CADM4: variants seen among roughly 807,000 people sequenced by gnomAD.
The protein encoded by CADM4 is cell adhesion molecule 4.
A neutral mutation model predicts 43.9 loss-of-function variants in CADM4; 13 were observed. That is an observed-to-expected ratio of 0.30 (90% confidence interval 0.19 to 0.47). CADM4 has a LOEUF of 0.47. Among genes scored for constraint, CADM4 ranks in the 20% least tolerant of loss-of-function variants. The pLI is 1.00. For missense variants in CADM4, 420 were observed against 527.0 expected (o/e 0.80, Z 1.99); for synonymous variants, 209 against 220.9 (o/e 0.95, Z 0.48).
rs776149829 is a variant in CADM4, at chr19:43,624,107, C to T, written c.1057+7G>A. On this transcript the variant is annotated splice_region_variant and intron_variant, in intron 8 of 8. Coordinates refer to ENST00000222374, the MANE Select transcript of CADM4 (RefSeq NM_145296.2). The stretch of plus-strand genomic sequence containing the variant: ...CAACCGTAGAGTCCAGGCCCCGTCC[C>T]ACTCACCCTTCTGCCGTACCGAGCA... 6.2e-7 allele frequency: 1 copy of T among 1,614,182 alleles called. No homozygotes were observed. The highest frequency in any genetic ancestry group is 8.5e-7 in the Non-Finnish European group (1 of 1,180,012).
At position 43,626,872 on chromosome 19, in the gene CADM4, C is replaced by T. The variant is rs759681233; in HGVS notation, c.411G>A (p.Glu137=). The T allele has an allele frequency of 6.2e-7, 1 of 1,609,456 alleles. No individual in the cohort carries two copies. The highest frequency in any genetic ancestry group is 1.1e-5 in the South Asian group (1 of 90,956). Residue 137 remains glutamate (E), a synonymous_variant, in exon 4 of 9, where the codon GAG becomes GAA. Transcript: ENST00000222374. The surrounding 1 kb of genome is among the most constrained non-coding windows in gnomAD (Gnocchi z 5.9). ...PVVEVREQAV[E]GGEVELSCLV... is the part of the protein sequence containing the mutation. ...GGCAGCTGAGCTCCACCTCGCCGCCCTCTACCGCCTGCTCCCGGACCTCCA... is the reference window on the plus strand; with the variant it reads ...GGCAGCTGAGCTCCACCTCGCCGCCTTCTACCGCCTGCTCCCGGACCTCCA...
rs942565330 is a variant in CADM4 at position 43,627,253 on chromosome 19, C to G, written c.277G>C (p.Asp93His). 1.2e-6 allele frequency: 2 copies of G among 1,612,872 alleles called. No individual in the cohort carries two copies. Among genetic ancestry groups the G allele is most frequent in the Non-Finnish European group, 1.7e-6 (2 of 1,179,416 alleles). ...SPRRVRIRLS[D>H]ARLEDEGGYF... is the part of the protein sequence containing the mutation. ...CCCCCCTCGTCCTCCAGGCGGGCATCTGAGAGCCGGATCCGCACCCGGCGT... is the reference window on the plus strand; with the variant it reads ...CCCCCCTCGTCCTCCAGGCGGGCATGTGAGAGCCGGATCCGCACCCGGCGT... Residue 93 changes from aspartate (D) to histidine (H), a missense_variant, in exon 3 of 9, where the codon GAT becomes CAT. By Grantham distance (81) the Asp-to-His change is moderately conservative. Transcript: ENST00000222374. This position sits in a 1 kb window ranked among gnomAD's most constrained non-coding sequence, Gnocchi z 4.0.
In CADM4 at chr19:43,626,321, C is replaced by G. The variant is rs776280278; in HGVS notation, c.500-33G>C. ...ACCCCGGTCAGACACTGTCAGGCCA[C>G]AATTCCGGCTCCATCCACCCACCCA... On this transcript the variant is annotated intron_variant, in intron 4 of 8. Transcript: ENST00000222374. The surrounding 1 kb of genome is among the most constrained non-coding windows in gnomAD (Gnocchi z 5.9). 13 of 1,601,666 alleles carry G rather than the reference C, an allele frequency of 8.1e-6. No homozygotes were observed. The South Asian group carries it at 1.4e-4, about 18-fold the overall frequency.
At chr19:43,636,035 G>A (rs1245452590) in intron 1 of CADM4, among the ~76,000 whole-genome samples, 1 of 147,672 alleles carries the variant, frequency 6.8e-6, no homozygotes, top group Admixed American at 6.7e-5. Flanking sequence ...AGACCCAGGA[G>A]TCCAGGCCCC....
At chr19:43,630,207 C>T (rs1329216269) in intron 1 of CADM4, among the ~76,000 whole-genome samples, 6 of 150,552 alleles carry the variant, frequency 4.0e-5, no homozygotes, top group African/African-American at 1.5e-4. Context: ...GCCCGGCCTG[C>T]GCTATTATTA....
chr19:43,628,321 G>C (rs1456468673), intron 1 of CADM4, among the ~76,000 whole-genome samples: 2 of 151,512 alleles, frequency 1.3e-5, no homozygotes, highest in Middle Eastern at 6.4e-3. Flanking sequence ...TGTAGTCCCA[G>C]CTACTCGGGA....
At chr19:43,641,617 C>T (rs957272852), upstream of CADM4, among the ~76,000 whole-genome samples, 2 of 152,202 alleles carry the variant, frequency 1.3e-5, no homozygotes, top group Non-Finnish European at 2.9e-5. Flanking sequence ...GTCCCCAGGA[C>T]GATGGCTCCA....
intron 1 of CADM4, among the ~76,000 whole-genome samples, chr19:43,631,553 A>T (rs1006692978): frequency 1.1e-4 from 16 of 152,180 alleles, no homozygotes; most frequent in African/African-American, 3.9e-4. Context: ...CACTATGTCC[A>T]GCAGAAAAAG....
chr19:43,636,499 G>A (rs1364655117), intron 1 of CADM4, among the ~76,000 whole-genome samples: 1 of 152,160 alleles, frequency 6.6e-6, no homozygotes, highest in Non-Finnish European at 1.5e-5. Flanking sequence ...CTGCGTGCCT[G>A]CTCCCTATGG....
At chr19:43,628,269 CAA>C (rs1196984834) in intron 1 of CADM4, among the ~76,000 whole-genome samples, 17 of 127,534 alleles carry the variant, frequency 1.3e-4, no homozygotes, top group Admixed American at 6.4e-4. Context: ...ACTAAAAATA[CAA>C]AAAAAAAAAA....
chr19:43,631,824 A>C (rs1347809708), intron 1 of CADM4, among the ~76,000 whole-genome samples: 1 of 152,200 alleles, frequency 6.6e-6, no homozygotes, highest in Non-Finnish European at 1.5e-5. Flanking sequence ...TCTCTGGTGA[A>C]GATGTGGAGC....
At chr19:43,633,500 G>A (rs1973656641) in intron 1 of CADM4, among the ~76,000 whole-genome samples, 1 of 152,134 alleles carries the variant, frequency 6.6e-6, no homozygotes, top group African/African-American at 2.4e-5. Flanking sequence ...TATACTCTAG[G>A]AAGGCAGGGA....
chr19:43,626,109 C>T lies in CADM4; in HGVS notation c.664+15G>A, dbSNP rs1467049415. Reference sequence around the variant, plus strand: ...GCGTTGGGATCCCTTGGGTCCTGGCCCGCCGGTCACTTACACTGCACATCC... The same window carrying T: ...GCGTTGGGATCCCTTGGGTCCTGGCTCGCCGGTCACTTACACTGCACATCC... On this transcript the variant is annotated intron_variant, in intron 5 of 8. Coordinates refer to ENST00000222374, the MANE Select transcript of CADM4 (RefSeq NM_145296.2). This position sits in a 1 kb window ranked among gnomAD's most constrained non-coding sequence, Gnocchi z 5.9. The T allele has an allele frequency of 1.1e-5, 17 of 1,613,156 alleles. No homozygotes were observed. The highest frequency in any genetic ancestry group is 4.2e-6 in the Non-Finnish European group (5 of 1,179,654).
intron 1 of CADM4, among the ~76,000 whole-genome samples, chr19:43,639,517 G>C (rs1303052697): frequency 2.6e-5 from 4 of 150,956 alleles, no homozygotes; most frequent in Non-Finnish European, 4.4e-5. Flanking sequence ...TGCGCGGGTG[G>C]GGGGGCTGCG....
Position 43,626,387 on chromosome 19 carries a change from C to A in CADM4, c.500-99G>T. On this transcript the variant is annotated intron_variant, in intron 4 of 8. Transcript: ENST00000222374. This position sits in a 1 kb window ranked among gnomAD's most constrained non-coding sequence, Gnocchi z 5.9. ...AAGCAGGCTATTTGCCAAGCTCCAC[C>A]CCTTACCCACAGGCCCCGCCTCTTG... 1 of 1,433,002 alleles carries A rather than the reference C, an allele frequency of 7.0e-7. No individual in the cohort carries two copies. The highest frequency in any genetic ancestry group is 9.5e-7 in the Non-Finnish European group (1 of 1,057,670). 88.8% of individuals were successfully genotyped at this position (1,433,002 alleles called of 1,614,324 possible). A position where few individuals can be genotyped will look rare whatever the true frequency, so the allele number is the denominator to read the frequency against.
In CADM4 at chr19:43,625,208, C is replaced by A. The variant is rs1419666890; in HGVS notation, c.798G>T (p.Pro266=). ...TCTCTCCCACGGCCTCCGCCCTCTCCGGCAAAGACTCATTCCCGCGGTTCC... is the reference window on the plus strand; with the variant it reads ...TCTCTCCCACGGCCTCCGCCCTCTCAGGCAAAGACTCATTCCCGCGGTTCC... The part of the protein sequence containing the change: ...IRWNRGNESL[P]ERAEAVGETL... Residue 266 remains proline (P), a synonymous_variant, in exon 7 of 9, where the codon CCG becomes CCT. Transcript: ENST00000222374. This position sits in a 1 kb window ranked among gnomAD's most constrained non-coding sequence, Gnocchi z 4.5. 1 of 1,614,116 alleles carries A rather than the reference C, an allele frequency of 6.2e-7. No individual in the cohort carries two copies. Among genetic ancestry groups the A allele is most frequent in the Non-Finnish European group, 8.5e-7 (1 of 1,180,044 alleles).
At chr19:43,635,070 C>T (rs1973682270) in intron 1 of CADM4, among the ~76,000 whole-genome samples, 1 of 152,038 alleles carries the variant, frequency 6.6e-6, no homozygotes, top group Admixed American at 6.5e-5. Context: ...GCCCCCTCCT[C>T]CTTCAGGACC....
At chr19:43,638,153 T>C (rs1271119810) in intron 1 of CADM4, among the ~76,000 whole-genome samples, 1 of 152,152 alleles carries the variant, frequency 6.6e-6, no homozygotes, top group African/African-American at 2.4e-5. Flanking sequence ...AGAAAGACAG[T>C]GAGAGGACAG....
Position 43,635,177 on chromosome 19 carries a change from C to T in CADM4, c.64+4550G>A, listed in dbSNP as rs12608555. Among the ~76,000 whole-genome samples, 47 of 152,040 alleles carry T rather than the reference C, an allele frequency of 3.1e-4. 1 individual carries two copies. In the East Asian group the frequency reaches 8.0e-3, roughly 26 times the overall value. Reference sequence around the variant, plus strand: ...TTCCTGGGTCCTGAGTCAGCGAATACCCAAGGGAGTCTCAAGGTCATAGTT... The same window carrying T: ...TTCCTGGGTCCTGAGTCAGCGAATATCCAAGGGAGTCTCAAGGTCATAGTT... On this transcript the variant is annotated intron_variant, in intron 1 of 8. Transcript: ENST00000222374.
Sources: allele counts gnomAD v4.1 joint callset (sites outside exome capture counted in the v4.1 genomes callset), GRCh38; gene constraint gnomAD v4.1.1; non-coding constraint Gnocchi (gnomAD v3.1); transcripts MANE v1.5; gene names NCBI Gene and HGNC (gene_info 2026-07-23, HGNC 2026-07-21).